Variants in TCF3 observed in about 807,000 individuals in gnomAD.
The protein encoded by TCF3 is transcription factor E2-alpha.
A neutral mutation model predicts 72.3 loss-of-function variants in TCF3; 54 were observed. The observed-to-expected ratio is 0.75, with a 90% CI of 0.60 to 0.94. The LOEUF is 0.94. Among genes scored for constraint, TCF3 ranks in the 40% least tolerant of loss-of-function variants. The pLI, the probability that TCF3 is intolerant of heterozygous loss-of-function variation, is 0.00. For synonymous variants in TCF3, 525 were observed against 412.6 expected (o/e 1.27, Z -3.30); for missense variants, 1,078 against 934.4 (o/e 1.15, Z -2.00).
chr19:1,637,110 C>T (rs938497730), intron 3 of TCF3, among the ~76,000 whole-genome samples: 5 of 152,116 alleles, frequency 3.3e-5, no homozygotes, highest in African/African-American at 9.7e-5. Context: ...CCGCCAGAAC[C>T]GGGGACAACT....
chr19:1,620,916 C>A (rs2062116837), intron 13 of TCF3, 52 bp downstream of exon 13: 3 of 1,414,826 alleles, frequency 2.1e-6, no homozygotes, highest in East Asian at 2.8e-5. Context: ...CCTCCCCTCC[C>A]CCCAAACCCT....
At chr19:1,625,875 T>G (rs1378891180) in intron 6 of TCF3, among the ~76,000 whole-genome samples, 167 bp from the exon 7 acceptor site, 1 of 152,228 alleles carries the variant, frequency 6.6e-6, no homozygotes, top group Admixed American at 6.5e-5. Flanking sequence ...TGTGTTTTTC[T>G]GACTTGAGAC....
At position 1,614,501 on chromosome 19, in the gene TCF3, G is replaced by A. The variant is rs937491137; in HGVS notation, c.1822+784C>T. Reference sequence around the variant, plus strand: ...GGCGGAAGGCAGACAGCAGAGAGGCGGGCTTGGGGGGCGCGAGGCGTGCCA... The same window carrying A: ...GGCGGAAGGCAGACAGCAGAGAGGCAGGCTTGGGGGGCGCGAGGCGTGCCA... On this transcript the variant is annotated intron_variant, in intron 18 of 18. Coordinates refer to ENST00000262965, the MANE Select transcript of TCF3 (RefSeq NM_003200.5). This position sits in a 1 kb window ranked among gnomAD's most constrained non-coding sequence, Gnocchi z 5.6. Among the ~76,000 whole-genome samples, 4 of 152,170 alleles carry A rather than the reference G, an allele frequency of 2.6e-5. No individual in the cohort carries two copies. The highest frequency in any genetic ancestry group is 2.0e-4 in the Admixed American group (3 of 15,288).
rs2061962258 is a variant in TCF3 at position 1,619,769 on chromosome 19, C to CG, written c.1167+10_1167+11insC. The CG allele has an allele frequency of 6.5e-6, 10 of 1,536,416 alleles. No homozygotes were observed. The highest frequency in any genetic ancestry group is 4.9e-5 in the East Asian group (2 of 40,914). On this transcript the variant is annotated intron_variant, in intron 14 of 18. Transcript: ENST00000262965. ...CGGGGAAGGGTGGGGTGGGGCGGGGCAGGCACTCACCAGGCCGTGGAGACC... is the reference window on the plus strand; with the variant it reads ...CGGGGAAGGGTGGGGTGGGGCGGGGCGAGGCACTCACCAGGCCGTGGAGACC...
At chr19:1,651,719 G>A (rs928358845) in intron 1 of TCF3, among the ~76,000 whole-genome samples, 2 of 151,850 alleles carry the variant, frequency 1.3e-5, no homozygotes, top group Non-Finnish European at 2.9e-5. Context: ...GGTGCAGGCG[G>A]TGCGGCCCGG....
At chr19:1,625,171 G>A (rs939736314) in intron 7 of TCF3, among the ~76,000 whole-genome samples, 3 of 152,354 alleles carry the variant, frequency 2.0e-5, no homozygotes, top group Middle Eastern at 3.4e-3. Context: ...AATGGGCCCC[G>A]GGTAGTTCAA....
chr19:1,640,445 A>G (rs1341170521), intron 3 of TCF3, among the ~76,000 whole-genome samples: 2 of 152,024 alleles, frequency 1.3e-5, no homozygotes, highest in East Asian at 3.9e-4. Context: ...AAATACGGTA[A>G]TAATTACACC....
At chr19:1,638,379 G>C (rs1215288056) in intron 3 of TCF3, among the ~76,000 whole-genome samples, 2 of 151,968 alleles carry the variant, frequency 1.3e-5, no homozygotes, top group Non-Finnish European at 2.9e-5. Flanking sequence ...TTTTTTGTTT[G>C]TTTGTTTGAG....
chr19:1,646,291 A>G (rs1275527097), intron 3 of TCF3, 64 bp downstream of exon 3: 4 of 1,490,648 alleles, frequency 2.7e-6, no homozygotes, highest in Non-Finnish European at 3.6e-6. Context: ...TCGCCCGCAC[A>G]CTGTCTTCAA....
chr19:1,625,539 C>T, intron 7 of TCF3, 37 bp downstream of exon 7: 1 of 1,528,750 alleles, frequency 6.5e-7, no homozygotes, highest in Non-Finnish European at 8.7e-7. Context: ...AGGCTCCCTC[C>T]CAGAAGCCCC....
At position 1,644,234 on chromosome 19, in the gene TCF3, C is replaced by A. The variant is rs571884526; in HGVS notation, c.145+2121G>T. Among the ~76,000 whole-genome samples, 4 of 152,318 alleles carry A rather than the reference C, an allele frequency of 2.6e-5. No individual in the cohort carries two copies. In the East Asian group the frequency reaches 5.8e-4, roughly 22 times the overall value. ...TGGAAGAGAGCAGGTGCCCATCTTG[C>A]GGGAGCTTCGGGAGGGCCACACCTG... On this transcript the variant is annotated intron_variant, in intron 3 of 18. Coordinates refer to ENST00000262965, the MANE Select transcript of TCF3 (RefSeq NM_003200.5).
At chr19:1,629,747 C>T (rs1034898796) in intron 5 of TCF3, among the ~76,000 whole-genome samples, 1 of 152,162 alleles carries the variant, frequency 6.6e-6, no homozygotes, top group Non-Finnish European at 1.5e-5. Flanking sequence ...GGGGCTGGGA[C>T]GCGCGATCGA....
At position 1,629,463 on chromosome 19, in the gene TCF3, AG is replaced by A. The variant is rs144379676; in HGVS notation, c.299-2038del. Reference sequence around the variant, plus strand: ...GACAGGTGAGGCCTCGGGGCTACGGAGGGGGTCAGCTGGCCAGGGCGAGCCC... The same window carrying A: ...GACAGGTGAGGCCTCGGGGCTACGGAGGGGTCAGCTGGCCAGGGCGAGCCC... On this transcript the variant is annotated intron_variant, in intron 5 of 18. Transcript: ENST00000262965. Among the ~76,000 whole-genome samples, 927 of 152,088 alleles carry A rather than the reference AG, an allele frequency of 6.1e-3. 16 individuals are homozygous for A. Among genetic ancestry groups the A allele is most frequent in the African/African-American group, 0.021 (874 of 41,506 alleles).
At position 1,611,063 on chromosome 19, in the gene TCF3, CA is replaced by C; in HGVS notation, c.*643del. ...TAGCGAGAGACACGGGACTTTTATA[CA>C]AAAAAATTTGTTGCTTACAAAACAT... On this transcript the variant is annotated 3_prime_UTR_variant, in exon 19 of 19. Transcript: ENST00000262965. The C allele has an allele frequency of 4.4e-6, 1 of 226,844 alleles. No homozygotes were observed. The highest frequency in any genetic ancestry group is 5.8e-5 in the Admixed American group (1 of 17,340). 14.1% of individuals were successfully genotyped at this position (226,844 alleles called of 1,614,324 possible).
Position 1,615,634 on chromosome 19 carries a change from A to C in TCF3, c.1586+52T>G. Reference sequence around the variant, plus strand: ...TGCGGTGTGCGTGTGGCCTGTGCACATGTGCGTCCTGATGGGGTGAGGGTG... The same window carrying C: ...TGCGGTGTGCGTGTGGCCTGTGCACCTGTGCGTCCTGATGGGGTGAGGGTG... On this transcript the variant is annotated intron_variant, in intron 17 of 18. Coordinates refer to ENST00000262965, the MANE Select transcript of TCF3 (RefSeq NM_003200.5). The surrounding 1 kb of genome is among the most constrained non-coding windows in gnomAD (Gnocchi z 7.3). The C allele has an allele frequency of 7.6e-7, 1 of 1,307,320 alleles. No homozygotes were observed. Among genetic ancestry groups the C allele is most frequent in the Non-Finnish European group, 1.0e-6 (1 of 967,332 alleles). The allele number at this position is 1,307,320 out of a possible 1,614,324, so 81.0% of individuals were successfully genotyped here.
At chr19:1,619,033 CCT>C (rs1292198056) in intron 16 of TCF3, 76 bp downstream of exon 16, 2 of 1,589,954 alleles carry the variant, frequency 1.3e-6, no homozygotes, top group African/African-American at 1.3e-5. Flanking sequence ...GGGCTCCCAC[CCT>C]GACCCCCACC....
At chr19:1,626,994 G>A (rs1033064993) in intron 6 of TCF3, among the ~76,000 whole-genome samples, 16 of 152,192 alleles carry the variant, frequency 1.1e-4, no homozygotes, top group African/African-American at 3.9e-4. Flanking sequence ...TCACAACCAG[G>A]GCCAGCGTGG....
chr19:1,645,755 T>A (rs1179630495), intron 3 of TCF3, among the ~76,000 whole-genome samples: 1 of 152,160 alleles, frequency 6.6e-6, no homozygotes, highest in Non-Finnish European at 1.5e-5. Flanking sequence ...TGCTGTGTCA[T>A]CAGCGAGGGT....
Position 1,610,150 on chromosome 19 carries a change from A to G in TCF3, c.*1557T>C, listed in dbSNP as rs2060883964. ...AGACCAGAAAAGGAGACCTGGAGAG[A>G]GGCCTGGGTGCTGGGACATGGGACA... On this transcript the variant is annotated 3_prime_UTR_variant, in exon 19 of 19. Transcript: ENST00000262965. 4.3e-6 allele frequency: 1 copy of G among 232,280 alleles called. No individual in the cohort carries two copies. The highest frequency in any genetic ancestry group is 8.5e-6 in the Non-Finnish European group (1 of 117,470). The allele number at this position is 232,280 out of a possible 1,614,324, so 14.4% of individuals were successfully genotyped here.
Sources: allele counts gnomAD v4.1 joint callset (sites outside exome capture counted in the v4.1 genomes callset), GRCh38; gene constraint gnomAD v4.1.1; non-coding constraint Gnocchi (gnomAD v3.1); transcripts MANE v1.5; gene names NCBI Gene and HGNC (gene_info 2026-07-23, HGNC 2026-07-21).